The following MAEA variants were observed in gnomAD, a reference collection of about 807,000 sequenced individuals.
MAEA encodes the protein E3 ubiquitin-protein transferase MAEA.
A neutral mutation model predicts 46.2 loss-of-function variants in MAEA; 22 were observed. The ratio of observed to expected loss-of-function variants is 0.48; its 90% CI spans 0.34 to 0.68. The LOEUF (loss-of-function observed/expected upper bound fraction) is 0.68. Among genes scored for constraint, MAEA ranks in the 30% least tolerant of loss-of-function variants. The pLI, the probability that MAEA is intolerant of heterozygous loss-of-function variation, is 0.01. For missense variants in MAEA, 393 were observed against 558.1 expected, an observed-to-expected ratio of 0.70 and a Z score of 2.98; for synonymous variants, 246 against 222.6, an observed-to-expected ratio of 1.11 and a Z score of -0.94.
chr4:1,303,009 G>A (rs567515988), intron 1 of MAEA, among the ~76,000 whole-genome samples: 1 of 152,066 alleles, frequency 6.6e-6, no homozygotes, highest in African/African-American at 2.4e-5. Context: ...CAACCTGGCC[G>A]TTCTTCAGGT....
intron 3 of MAEA, among the ~76,000 whole-genome samples, chr4:1,322,056 C>T (rs1017581358): frequency 4.6e-5 from 7 of 152,108 alleles, no homozygotes; most frequent in Admixed American, 2.0e-4. Flanking sequence ...GAGACAGGGC[C>T]GCCTGGCATG....
At position 1,296,939 on chromosome 4, in the gene MAEA, C is replaced by A. The variant is rs1734790841; in HGVS notation, c.69+6957C>A. 3.3e-5 allele frequency among the ~76,000 whole-genome samples: 5 copies of A among 152,182 alleles called. No homozygotes were observed. In the South Asian group the frequency reaches 1.0e-3, roughly 31 times the overall value. ...CCTTTTGTTTTATGTCACCAGCCAGCCCTCCAGAGGTTGTGTGGCTTCACA... is the reference window on the plus strand; with the variant it reads ...CCTTTTGTTTTATGTCACCAGCCAGACCTCCAGAGGTTGTGTGGCTTCACA... On this transcript the variant is annotated intron_variant, in intron 1 of 8. Transcript: ENST00000303400.
intron 1 of MAEA, among the ~76,000 whole-genome samples, chr4:1,300,933 AT>A (rs1334808572): frequency 2.6e-5 from 4 of 152,108 alleles, no homozygotes; most frequent in South Asian, 2.1e-4. Flanking sequence ...TTAGCTCAGG[AT>A]GGCAGGAAGC....
chr4:1,308,342 C>T (rs985106602), intron 1 of MAEA, among the ~76,000 whole-genome samples: 4 of 152,188 alleles, frequency 2.6e-5, no homozygotes, highest in Admixed American at 6.5e-5. Flanking sequence ...GTGACTGCCA[C>T]GTTTTCTTTC....
Position 1,339,130 on chromosome 4 carries a change from C to A in MAEA, c.1152C>A (p.Val384=). ...DKVVCPRTKE[V]FHFSQAEKVY... ...TCGTGTGCCCGAGAACCAAAGAAGT[C>A]TTCCACTTCTCACAAGCCGAGAAGG... The change falls in exon 9 of 9, where the codon GTC becomes GTA. Residue 384 remains valine, a synonymous_variant. Transcript: ENST00000303400. 1 of 1,614,010 alleles carries A rather than the reference C, an allele frequency of 6.2e-7. No homozygotes were observed. The highest frequency in any genetic ancestry group is 8.5e-7 in the Non-Finnish European group (1 of 1,180,026).
intron 3 of MAEA, among the ~76,000 whole-genome samples, chr4:1,321,457 T>C (rs558661052): frequency 1.1e-4 from 16 of 150,474 alleles, no homozygotes; most frequent in African/African-American, 3.4e-4. Flanking sequence ...TATGAAGGGG[T>C]TTCAGAAACA....
At chr4:1,330,091 G>C in intron 5 of MAEA, 1 of 985,516 alleles carries the variant, frequency 1.0e-6, no homozygotes, top group Non-Finnish European at 1.2e-6. Flanking sequence ...CCTGCCTGGG[G>C]CATTTGTGGG....
intron 4 of MAEA, among the ~76,000 whole-genome samples, chr4:1,326,776 C>T (rs1288091815): frequency 1.3e-5 from 2 of 152,228 alleles, no homozygotes; most frequent in Non-Finnish European, 2.9e-5. Flanking sequence ...CTGGGCCAGG[C>T]CTCCATTCCA....
intron 2 of MAEA, among the ~76,000 whole-genome samples, chr4:1,313,895 G>A (rs62295167): frequency 2.8e-3 from 431 of 151,520 alleles, no homozygotes; most frequent in Non-Finnish European, 4.8e-3. Context: ...ATAGCCAGGC[G>A]TGGTGACACA....
chr4:1,330,562 A>T (rs531205611), intron 5 of MAEA: 1 of 133,096 alleles, frequency 7.5e-6, no homozygotes, highest in Non-Finnish European at 1.6e-5. Flanking sequence ...TGATCCGCCC[A>T]CCTTGGCCTC....
chr4:1,300,726 G>T (rs1306886690), intron 1 of MAEA, among the ~76,000 whole-genome samples: 1 of 152,268 alleles, frequency 6.6e-6, no homozygotes, highest in Non-Finnish European at 1.5e-5. Flanking sequence ...CTAACTGGGC[G>T]TGCACACAAC....
intron 4 of MAEA, among the ~76,000 whole-genome samples, 157 bp downstream of exon 4, chr4:1,322,660 C>T (rs1367003299): frequency 6.6e-6 from 1 of 152,152 alleles, no homozygotes; most frequent in African/African-American, 2.4e-5. Flanking sequence ...GGCTGTGTTA[C>T]ACTTTTAGGC....
At chr4:1,312,312 C>T (rs1736609889) in intron 2 of MAEA, 151 bp downstream of exon 2, 1 of 811,394 alleles carries the variant, frequency 1.2e-6, no homozygotes, top group South Asian at 1.7e-5. Context: ...TCTGGGGCCA[C>T]TGTCGGCTGA....
chr4:1,326,111 T>C (rs9884421), intron 4 of MAEA, among the ~76,000 whole-genome samples: 107,850 of 152,184 alleles, frequency 0.71, 39,184 homozygotes, highest in African/African-American at 0.87. Flanking sequence ...GTGGGTGCTA[T>C]GCGTGTCGGG....
chr4:1,339,432 CTTCTT>C lies in MAEA; in HGVS notation c.*265_*269del, dbSNP rs1426303853. ...GTACTTTCAACTTGCGAAGGAAACT[CTTCTT>C]TAAAGACTGACCTAAACACCGAGGG... is the stretch of plus-strand genomic sequence containing the variant. On this transcript the variant is annotated 3_prime_UTR_variant, in exon 9 of 9. Transcript: ENST00000303400. The C allele has an allele frequency of 9.8e-6, 5 of 508,612 alleles. No homozygotes were observed. The highest frequency in any genetic ancestry group is 3.9e-5 in the African/African-American group (2 of 51,530). 31.5% of individuals were successfully genotyped at this position (508,612 alleles called of 1,614,324 possible).
At chr4:1,303,379 G>A (rs1735518624) in intron 1 of MAEA, among the ~76,000 whole-genome samples, 1 of 137,016 alleles carries the variant, frequency 7.3e-6, no homozygotes, top group Non-Finnish European at 1.5e-5. Context: ...TCCAGCCTGG[G>A]CGACAGTGAG....
intron 6 of MAEA, chr4:1,335,798 C>T (rs1384165698): frequency 1.2e-6 from 1 of 851,158 alleles, no homozygotes; most frequent in Non-Finnish European, 1.4e-6. Flanking sequence ...AAGTCAGCAC[C>T]TGCCCTGCAG....
At position 1,338,413 on chromosome 4, in the gene MAEA, G is replaced by A. The variant is rs756043585; in HGVS notation, c.900-9G>A. On this transcript the variant is annotated splice_polypyrimidine_tract_variant and intron_variant, in intron 7 of 8. Coordinates refer to ENST00000303400, the MANE Select transcript of MAEA (RefSeq NM_001017405.3). ...GTGGCCCCCAACCCTTCCTTGACCC[G>A]ATGCTCAGACAGTGCTACAAGGAGG... 2.8e-5 allele frequency: 45 copies of A among 1,604,724 alleles called. No individual in the cohort carries two copies. The highest frequency in any genetic ancestry group is 1.0e-4 in the Admixed American group (6 of 59,792).
intron 1 of MAEA, among the ~76,000 whole-genome samples, chr4:1,300,264 G>A (rs1240034226): frequency 1.3e-5 from 2 of 152,162 alleles, no homozygotes; most frequent in Admixed American, 6.5e-5. Context: ...AGGATGCCGT[G>A]TTTCTGCATG....
Sources: allele counts gnomAD v4.1 joint callset (sites outside exome capture counted in the v4.1 genomes callset), GRCh38; gene constraint gnomAD v4.1.1; transcripts MANE v1.5; gene names NCBI Gene and HGNC (gene_info 2026-07-23, HGNC 2026-07-21).